The following NECTIN1 variants were observed in gnomAD, a reference collection of about 807,000 sequenced individuals.
NECTIN1 encodes nectin-1.
A neutral mutation model predicts 48.0 loss-of-function variants in NECTIN1; 23 were observed. The observed-to-expected ratio is 0.48, with a 90% CI of 0.34 to 0.68. NECTIN1 has a LOEUF of 0.68. NECTIN1 is among the 30% of genes least tolerant of loss of function. The pLI is 0.01. For synonymous variants in NECTIN1, 270 were observed against 288.9 expected (o/e 0.93, Z 0.66); for missense variants, 591 against 709.9 (o/e 0.83, Z 1.90).
chr11:119,676,430 G>C lies in NECTIN1; in HGVS notation c.851+672C>G, dbSNP rs200205821. ...AGAAAAAGAAGGCAGACTCCTTCTG[G>C]GCAGCTGTCTCCTGGCCACCCATAT... On this transcript the variant is annotated intron_variant, in intron 4 of 5. Transcript: ENST00000264025. 9.2e-5 allele frequency among the ~76,000 whole-genome samples: 14 copies of C among 152,342 alleles called. No individual in the cohort carries two copies. In the East Asian group the frequency reaches 9.7e-4, roughly 11 times the overall value.
At chr11:119,675,896 C>T (rs892912175) in intron 4 of NECTIN1, among the ~76,000 whole-genome samples, 1 of 152,012 alleles carries the variant, frequency 6.6e-6, no homozygotes, top group African/African-American at 2.4e-5. Flanking sequence ...GTCCCAGTTA[C>T]TCGGGAGGGT....
At chr11:119,722,680 C>T (rs564854900) in intron 1 of NECTIN1, among the ~76,000 whole-genome samples, 8 of 152,218 alleles carry the variant, frequency 5.3e-5, no homozygotes, top group African/African-American at 9.6e-5. Context: ...GCCAGGCTCC[C>T]GAGTGGGGGC....
At position 119,638,172 on chromosome 11, in the gene NECTIN1, A is replaced by AG; in HGVS notation, c.1302dup (p.Tyr435LeufsTer3). 1 of 1,613,856 alleles carries AG rather than the reference A, an allele frequency of 6.2e-7. No individual in the cohort carries two copies. On this transcript the variant is annotated frameshift_variant, in exon 8 of 8. Coordinates refer to the NECTIN1 transcript ENST00000341398. LOFTEE classifies it low-confidence loss of function (END_TRUNC). Reference sequence around the variant, plus strand: ...GAGGGGGAGACCCCCAGATCATAGTAGGGGGGCTGCAGGGACAGCTTCTGC... The same window carrying AG: ...GAGGGGGAGACCCCCAGATCATAGTAGGGGGGGCTGCAGGGACAGCTTCTGC...
intron 1 of NECTIN1, among the ~76,000 whole-genome samples, chr11:119,721,936 C>T (rs1865837758): frequency 6.6e-6 from 1 of 152,240 alleles, no homozygotes; most frequent in Admixed American, 6.5e-5. Context: ...TACTCACTTC[C>T]CCAGGGAGCT....
downstream of NECTIN1, among the ~76,000 whole-genome samples, chr11:119,660,328 G>A (rs1442992306): frequency 6.6e-6 from 1 of 152,096 alleles, no homozygotes; most frequent in Non-Finnish European, 1.5e-5. Context: ...GATGGTGCTG[G>A]TGGGGAGAGC....
At position 119,678,591 on chromosome 11, in the gene NECTIN1, A is replaced by G; in HGVS notation, c.254T>C (p.Met85Thr). The G allele has an allele frequency of 6.2e-7, 1 of 1,614,198 alleles. No homozygotes were observed. ...GTAGGGAGCCAGCACGGACACGCCC[A>G]TGGATGGGTTGTAGATGGCCACGTT... ...KQNVAIYNPS[M>T]GVSVLAPYRE... Residue 85 changes from methionine to threonine, a missense_variant, in exon 2 of 6, where the codon ATG (methionine) becomes ACG (threonine). Met to Thr is a moderately conservative substitution (Grantham distance 81). Coordinates refer to ENST00000264025, the MANE Select transcript of NECTIN1 (RefSeq NM_002855.5). This position sits in a 1 kb window ranked among gnomAD's most constrained non-coding sequence, Gnocchi z 4.4.
chr11:119,651,703 C>CCCTTT (rs770028286), intron 5 of NECTIN1, among the ~76,000 whole-genome samples: 7 of 152,126 alleles, frequency 4.6e-5, no homozygotes, highest in Non-Finnish European at 1.0e-4. Context: ...CTGGAAGCTG[C>CCCTTT]CCTTGGCCAC....
At chr11:119,690,006 G>A (rs1378561581) in intron 1 of NECTIN1, among the ~76,000 whole-genome samples, 4 of 152,260 alleles carry the variant, frequency 2.6e-5, no homozygotes, top group African/African-American at 9.6e-5. Context: ...TGCACGTAAC[G>A]TCTGGGTTAG....
intron 4 of NECTIN1, chr11:119,676,697 G>T: frequency 3.5e-6 from 1 of 285,872 alleles, no homozygotes; most frequent in Non-Finnish European, 6.8e-6. Flanking sequence ...CCAGAGAGAA[G>T]GAATAGGGAC....
At position 119,673,297 on chromosome 11, in the gene NECTIN1, C is replaced by T. The variant is rs749702291; in HGVS notation, c.1003+1862G>A. Among the ~76,000 whole-genome samples, 1 of 152,176 alleles carries T rather than the reference C, an allele frequency of 6.6e-6. No homozygotes were observed. ...AGAGTCCCTTCCGAGAGAGGCCAGC[C>T]GCTCAGCGCCTGGGCCTATCAATGA... is the stretch of plus-strand genomic sequence containing the variant. On this transcript the variant is annotated intron_variant, in intron 5 of 5. Coordinates refer to ENST00000264025, the MANE Select transcript of NECTIN1 (RefSeq NM_002855.5). This position sits in a 1 kb window ranked among gnomAD's most constrained non-coding sequence, Gnocchi z 5.8.
chr11:119,671,949 C>G (rs1864866549), intron 5 of NECTIN1, among the ~76,000 whole-genome samples: 1 of 152,266 alleles, frequency 6.6e-6, no homozygotes, highest in Admixed American at 6.5e-5. Flanking sequence ...GCAGACGGAG[C>G]CTGTTCACAC....
intron 1 of NECTIN1, among the ~76,000 whole-genome samples, chr11:119,698,195 C>A (rs1281779478): frequency 6.6e-6 from 1 of 152,200 alleles, no homozygotes; most frequent in African/African-American, 2.4e-5. Context: ...CATGCTGGAC[C>A]CTTTTGGCAA....
At chr11:119,695,529 C>T (rs1275535220) in intron 1 of NECTIN1, among the ~76,000 whole-genome samples, 1 of 152,204 alleles carries the variant, frequency 6.6e-6, no homozygotes, top group Non-Finnish European at 1.5e-5. Flanking sequence ...GCAGTAGGCC[C>T]TGGATCCAGG....
At chr11:119,668,407 A>G (rs142057319) in intron 5 of NECTIN1, among the ~76,000 whole-genome samples, 515 of 152,262 alleles carry the variant, frequency 3.4e-3, no homozygotes, top group Non-Finnish European at 5.6e-3. Context: ...TGGCTCCCCA[A>G]CTGCCTGTTG....
intron 1 of NECTIN1, among the ~76,000 whole-genome samples, chr11:119,710,218 C>T (rs867629218): frequency 2.0e-5 from 3 of 152,234 alleles, no homozygotes; most frequent in Non-Finnish European, 4.4e-5. Flanking sequence ...TGCAGCTGAA[C>T]GCTGCGGTAT....
At position 119,664,771 on chromosome 11, in the gene NECTIN1, A is replaced by G; in HGVS notation, c.1530T>C (p.Ile510=). 6.2e-7 allele frequency: 1 copy of G among 1,612,276 alleles called. No individual in the cohort carries two copies. The highest frequency in any genetic ancestry group is 1.1e-5 in the South Asian group (1 of 90,794). The change falls in exon 6 of 6, where the codon ATT becomes ATC. Residue 510 remains isoleucine (I), a synonymous_variant. Coordinates refer to ENST00000264025, the MANE Select transcript of NECTIN1 (RefSeq NM_002855.5). The part of the protein sequence containing the change: ...NMVSQNDGSF[I]SKKEWYV ...GCTACACGTACCACTCCTTCTTGGAAATGAAAGACCCGTCGTTCTGAGAAA... is the reference window on the plus strand; with the variant it reads ...GCTACACGTACCACTCCTTCTTGGAGATGAAAGACCCGTCGTTCTGAGAAA...
At chr11:119,667,399 C>G (rs551050839) in intron 5 of NECTIN1, among the ~76,000 whole-genome samples, 2 of 152,170 alleles carry the variant, frequency 1.3e-5, no homozygotes. Flanking sequence ...CTGCTAGTCA[C>G]GGGATATGAG....
chr11:119,726,568 C>G (rs1279118847), intron 1 of NECTIN1, among the ~76,000 whole-genome samples: 1 of 152,224 alleles, frequency 6.6e-6, no homozygotes, highest in Non-Finnish European at 1.5e-5. Context: ...CCACCTTGAG[C>G]CAGGTGAGTT....
Position 119,683,747 on chromosome 11 carries a change from T to A in NECTIN1, c.80-4982A>T, listed in dbSNP as rs1297329699. On this transcript the variant is annotated intron_variant, in intron 1 of 5. Coordinates refer to ENST00000264025, the MANE Select transcript of NECTIN1 (RefSeq NM_002855.5). This position sits in a 1 kb window ranked among gnomAD's most constrained non-coding sequence, Gnocchi z 4.0. ...CACAGATATCAAAAGAATCAGTCTT[T>A]TTTTTTTTCCTGAACTCAAGCACTG... 2.6e-5 allele frequency among the ~76,000 whole-genome samples: 4 copies of A among 151,968 alleles called. No homozygotes were observed. The highest frequency in any genetic ancestry group is 9.7e-5 in the African/African-American group (4 of 41,414).
Sources: allele counts gnomAD v4.1 joint callset (sites outside exome capture counted in the v4.1 genomes callset), GRCh38; gene constraint gnomAD v4.1.1; non-coding constraint Gnocchi (gnomAD v3.1); transcripts MANE v1.5; gene names NCBI Gene and HGNC (gene_info 2026-07-23, HGNC 2026-07-21).